The following PDE4D variants were observed in gnomAD, a reference collection of about 807,000 sequenced individuals.
PDE4D encodes the protein 3',5'-cyclic-AMP phosphodiesterase 4D.
In PDE4D, 24 loss-of-function variants were observed where a neutral mutation model predicts 87.4. The ratio of observed to expected loss-of-function variants is 0.27; its 90% CI spans 0.20 to 0.39. The LOEUF (loss-of-function observed/expected upper bound fraction) is 0.39. Ranked by LOEUF, PDE4D falls within the 10% of genes least tolerant of loss-of-function variation. The pLI is 1.00. For synonymous variants in PDE4D, 384 were observed against 383.2 expected (o/e 1.00, Z -0.02); for missense variants, 714 against 1,041.0 (o/e 0.69, Z 4.32).
intron 3 of PDE4D, among the ~76,000 whole-genome samples, chr5:59,973,475 A>G (rs17315537): frequency 0.37 from 55,165 of 149,784 alleles, 11,492 homozygotes; most frequent in East Asian, 0.73. Context: ...ACTATATCAT[A>G]ATCCATAAGT....
chr5:59,187,768 G>T (rs947363638), intron 3 of PDE4D, among the ~76,000 whole-genome samples: 2 of 152,050 alleles, frequency 1.3e-5, no homozygotes, highest in Admixed American at 6.6e-5. Flanking sequence ...TATTGTGTGT[G>T]TGTGGGTTTT....
intron 1 of PDE4D, among the ~76,000 whole-genome samples, chr5:59,738,485 C>T (rs142318044): frequency 4.6e-5 from 7 of 152,070 alleles, no homozygotes; most frequent in African/African-American, 1.7e-4. Context: ...CAAAAAGGAA[C>T]TGTCTCTTTT....
At chr5:59,893,824 C>T, upstream of PDE4D, 7 of 1,323,820 alleles carry the variant, frequency 5.3e-6, no homozygotes, top group East Asian at 3.2e-5. Flanking sequence ...TCACAGAACG[C>T]GGCAGGGCTC....
intron 5 of PDE4D, among the ~76,000 whole-genome samples, chr5:59,080,131 C>T (rs544403812): frequency 1.3e-5 from 2 of 152,184 alleles, no homozygotes; most frequent in South Asian, 2.1e-4. Flanking sequence ...TGCATTATCT[C>T]AAGCTACTGA....
At chr5:59,345,173 C>T (rs1362967896) in intron 1 of PDE4D, among the ~76,000 whole-genome samples, 1 of 152,118 alleles carries the variant, frequency 6.6e-6, no homozygotes, top group African/African-American at 2.4e-5. Context: ...AAGCAATACA[C>T]ATTTATTTTA....
intron 2 of PDE4D, among the ~76,000 whole-genome samples, chr5:60,075,699 T>C (rs1409895767): frequency 2.6e-5 from 4 of 152,184 alleles, no homozygotes; most frequent in African/African-American, 9.7e-5. Context: ...GAGGTTTTGT[T>C]TGTTCCTTTT....
chr5:59,331,556 GA>G (rs912583205), intron 1 of PDE4D, among the ~76,000 whole-genome samples: 11 of 152,118 alleles, frequency 7.2e-5, no homozygotes, highest in African/African-American at 2.4e-4. Context: ...CTTTGGGTGT[GA>G]CACAATTCAG....
At chr5:59,150,085 G>A (rs545193243) in intron 5 of PDE4D, among the ~76,000 whole-genome samples, 4 of 152,162 alleles carry the variant, frequency 2.6e-5, no homozygotes, top group South Asian at 2.1e-4. Context: ...GCCTTAGAGC[G>A]GGGAGGAATA....
Position 59,836,687 on chromosome 5 carries a change from A to G in PDE4D, c.455+56481T>C, listed in dbSNP as rs1357416400. On this transcript the variant is annotated intron_variant, in intron 1 of 14. Transcript: ENST00000340635. The stretch of plus-strand genomic sequence containing the variant: ...TATCTACCTATCTATCTATCTACCT[A>G]TCTATCTATGTATCTGTCTATCTAT... 2.6e-5 allele frequency among the ~76,000 whole-genome samples: 4 copies of G among 150,962 alleles called. No individual in the cohort carries two copies. In the East Asian group the frequency reaches 5.8e-4, roughly 22 times the overall value.
At chr5:59,305,803 T>G (rs1771211510) in intron 1 of PDE4D, among the ~76,000 whole-genome samples, 1 of 152,176 alleles carries the variant, frequency 6.6e-6, no homozygotes, top group Non-Finnish European at 1.5e-5. Flanking sequence ...TCACTAAGGC[T>G]CATTTTATGG....
intron 1 of PDE4D, among the ~76,000 whole-genome samples, chr5:59,835,287 A>C (rs1431312230): frequency 6.6e-6 from 1 of 152,048 alleles, no homozygotes; most frequent in African/African-American, 2.4e-5. Flanking sequence ...CTTTCCCTCC[A>C]GGTAGACTCA....
intron 5 of PDE4D, among the ~76,000 whole-genome samples, chr5:59,167,092 T>C (rs1782034430): frequency 6.6e-6 from 1 of 152,220 alleles, no homozygotes; most frequent in Non-Finnish European, 1.5e-5. Context: ...GATTATCTCA[T>C]GTAATTCCTC....
intron 1 of PDE4D, among the ~76,000 whole-genome samples, chr5:59,280,778 G>A (rs1269556779): frequency 6.6e-6 from 1 of 152,016 alleles, no homozygotes; most frequent in Non-Finnish European, 1.5e-5. Context: ...CTTGTGTACT[G>A]GGAGTTTTAC....
chr5:60,072,541 T>C (rs1772840044), intron 2 of PDE4D, among the ~76,000 whole-genome samples: 1 of 152,186 alleles, frequency 6.6e-6, no homozygotes, highest in African/African-American at 2.4e-5. Context: ...TTTGCTTTTG[T>C]TGCAATTGCT....
At chr5:59,737,739 C>T (rs945722451) in intron 1 of PDE4D, among the ~76,000 whole-genome samples, 11 of 151,978 alleles carry the variant, frequency 7.2e-5, no homozygotes, top group African/African-American at 2.7e-4. Flanking sequence ...GCTATTGACC[C>T]AATGTTTAAA....
intron 3 of PDE4D, among the ~76,000 whole-genome samples, chr5:59,922,367 C>T (rs1581748080): frequency 6.6e-6 from 1 of 152,008 alleles, no homozygotes; most frequent in Admixed American, 6.5e-5. Context: ...GAGACACTAG[C>T]AGGGGCAGCC....
intron 1 of PDE4D, among the ~76,000 whole-genome samples, chr5:60,435,727 G>A (rs1488109756): frequency 6.6e-6 from 1 of 151,916 alleles, no homozygotes; most frequent in Admixed American, 6.6e-5. Flanking sequence ...AGAAGTCTAT[G>A]GAGTATGTAG....
chr5:59,054,838 A>T (rs899899435), intron 5 of PDE4D, among the ~76,000 whole-genome samples: 1 of 152,166 alleles, frequency 6.6e-6, no homozygotes. Context: ...ACACTGAGGT[A>T]AGAAATTACC....
At chr5:59,699,336 G>C (rs547662769) in intron 1 of PDE4D, among the ~76,000 whole-genome samples, 23 of 152,202 alleles carry the variant, frequency 1.5e-4, no homozygotes, top group African/African-American at 5.3e-4. Context: ...TTATAAGTAC[G>C]TCAACAATTA....
Sources: allele counts gnomAD v4.1 joint callset (sites outside exome capture counted in the v4.1 genomes callset), GRCh38; gene constraint gnomAD v4.1.1; transcripts MANE v1.5; gene names NCBI Gene and HGNC (gene_info 2026-07-23, HGNC 2026-07-21).